Variants in RFC3 observed in about 807,000 individuals in gnomAD.
The protein encoded by RFC3 is replication factor C subunit 3, also known as A1 38 kDa subunit.
A neutral mutation model predicts 45.1 loss-of-function variants in RFC3; 41 were observed. The ratio of observed to expected loss-of-function variants is 0.91; its 90% confidence interval spans 0.71 to 1.18. RFC3 has a LOEUF of 1.18. Among genes scored for constraint, RFC3 ranks in the 50% most tolerant of loss-of-function variants. RFC3 has a pLI of 0.00. For missense variants in RFC3, 423 were observed against 428.1 expected (o/e 0.99, Z 0.10); for synonymous variants, 149 against 144.0 (o/e 1.03, Z -0.25).
intron 8 of RFC3, among the ~76,000 whole-genome samples, chr13:33,884,678 TGATCTTGAGCACA>T (rs1198875911): frequency 1.3e-5 from 2 of 152,186 alleles, no homozygotes; most frequent in East Asian, 3.9e-4. Flanking sequence ...TTAAATCTAT[TGATCTTGAGCACA>T]GAGTCCATCT....
At chr13:33,916,686 A>G (rs2082735448) in intron 8 of RFC3, among the ~76,000 whole-genome samples, 1 of 152,164 alleles carries the variant, frequency 6.6e-6, no homozygotes, top group Admixed American at 6.5e-5. Context: ...GCATGTGTGT[A>G]TATATAAGCA....
At chr13:33,820,047 T>C (rs1032210468) in intron 1 of RFC3, among the ~76,000 whole-genome samples, 1 of 152,198 alleles carries the variant, frequency 6.6e-6, no homozygotes, top group African/African-American at 2.4e-5. Context: ...TTAAGATACG[T>C]ATTCCATTTT....
intron 8 of RFC3, among the ~76,000 whole-genome samples, chr13:33,880,796 G>A (rs1051998079): frequency 6.6e-6 from 1 of 152,108 alleles, no homozygotes; most frequent in African/African-American, 2.4e-5. Context: ...GGCTGGGCAC[G>A]GTGGCGCACG....
At chr13:33,831,117 C>A (rs1449101024) in intron 6 of RFC3, 139 bp from the exon 7 acceptor site, 10 of 634,636 alleles carry the variant, frequency 1.6e-5, no homozygotes, top group African/African-American at 3.7e-5. Context: ...GGAACTCAGG[C>A]CATAATGCTG....
intron 8 of RFC3, among the ~76,000 whole-genome samples, chr13:33,879,865 G>T (rs907382227): frequency 6.6e-6 from 1 of 152,148 alleles, no homozygotes; most frequent in African/African-American, 2.4e-5. Flanking sequence ...CTGTTTTCTT[G>T]CCTTTCCCAG....
intron 8 of RFC3, among the ~76,000 whole-genome samples, chr13:33,898,950 C>T (rs2082619578): frequency 6.6e-6 from 1 of 151,422 alleles, no homozygotes; most frequent in African/African-American, 2.4e-5. Context: ...CAAGATTGAA[C>T]CATGAAGAAA....
At chr13:33,828,527 C>G (rs185823076) in intron 4 of RFC3, among the ~76,000 whole-genome samples, 31 of 152,320 alleles carry the variant, frequency 2.0e-4, no homozygotes, top group African/African-American at 6.7e-4. Flanking sequence ...GAATCTCCCC[C>G]CTCGGTAAGA....
At chr13:33,868,260 G>A (rs889156187) in intron 8 of RFC3, among the ~76,000 whole-genome samples, 1 of 152,172 alleles carries the variant, frequency 6.6e-6, no homozygotes, top group African/African-American at 2.4e-5. Flanking sequence ...CCTTTAAAAT[G>A]TGAGTCTTGG....
rs774371943 is a variant in RFC3, at chr13:33,835,155, G to A, written c.817G>A (p.Glu273Lys). 3.9e-5 allele frequency: 62 copies of A among 1,603,728 alleles called. No individual in the cohort carries two copies. Among genetic ancestry groups the A allele is most frequent in the Non-Finnish European group, 5.3e-5 (62 of 1,172,582 alleles). Reference protein sequence around the residue: ...VSQQTPQRLLEVRGRLYELLT... With the variant: ...VSQQTPQRLLKVRGRLYELLT... ...TTATTTTGTTTTATGTAGGCTCCTTGAAGTTCGTGGAAGGCTGTATGAGCT... is the reference window on the plus strand; with the variant it reads ...TTATTTTGTTTTATGTAGGCTCCTTAAAGTTCGTGGAAGGCTGTATGAGCT... The change falls in exon 8 of 9, where the codon GAA becomes AAA. Residue 273 changes from glutamate (E) to lysine (K), a missense_variant. Transcript: ENST00000380071.
chr13:33,834,223 T>G (rs1449214767), intron 7 of RFC3, among the ~76,000 whole-genome samples: 2 of 149,246 alleles, frequency 1.3e-5, no homozygotes, highest in Non-Finnish European at 3.0e-5. Flanking sequence ...CGTCTTAGGA[T>G]TGACTTCTGC....
In RFC3 at chr13:33,914,286, C is replaced by G. The variant is rs574805378; in HGVS notation, c.880-51801C>G. On this transcript the variant is annotated intron_variant, in intron 8 of 8. Coordinates refer to the RFC3 transcript ENST00000434425. ...GCTTTATTCTAGGCTACTTTTTCTT[C>G]CAAGGAAGATGAGCATTTGAAAAGT... 1.7e-4 allele frequency among the ~76,000 whole-genome samples: 26 copies of G among 152,196 alleles called. No homozygotes were observed. The East Asian group carries it at 5.0e-3, about 29-fold the overall frequency.
At chr13:33,873,844 C>T (rs1186255890) in intron 8 of RFC3, among the ~76,000 whole-genome samples, 2 of 152,314 alleles carry the variant, frequency 1.3e-5, no homozygotes, top group East Asian at 3.9e-4. Context: ...GGTCAAAGTC[C>T]TTTAAAAATG....
At chr13:33,839,732 G>C (rs79086544), downstream of RFC3, among the ~76,000 whole-genome samples, 1,406 of 152,238 alleles carry the variant, frequency 9.2e-3, 28 homozygotes, top group African/African-American at 0.032. Context: ...TTTCAGTCTG[G>C]CATCATTTAT....
chr13:33,838,752 T>C (rs1295393272), downstream of RFC3, among the ~76,000 whole-genome samples: 1 of 152,162 alleles, frequency 6.6e-6, no homozygotes, highest in African/African-American at 2.4e-5. Context: ...TTTTGGCTGC[T>C]TTTTCTCCTG....
intron 8 of RFC3, among the ~76,000 whole-genome samples, chr13:33,882,758 ACTT>A (rs1231847377): frequency 6.6e-6 from 1 of 152,122 alleles, no homozygotes; most frequent in Non-Finnish European, 1.5e-5. Context: ...ACTCCATAAA[ACTT>A]CTTTTATATT....
intron 8 of RFC3, among the ~76,000 whole-genome samples, chr13:33,889,133 G>T (rs2082547418): frequency 6.6e-6 from 1 of 152,212 alleles, no homozygotes. Context: ...GCAGCTGAAA[G>T]ACGAGACTGG....
chr13:33,820,440 C>T (rs2081991047), intron 1 of RFC3, among the ~76,000 whole-genome samples: 2 of 152,234 alleles, frequency 1.3e-5, no homozygotes. Flanking sequence ...ACGGCAGCTT[C>T]CCCACCCTTT....
chr13:33,899,202 G>GAAAAAAAAA (rs1850188339), intron 8 of RFC3, among the ~76,000 whole-genome samples: 1 of 6,664 alleles, frequency 1.5e-4, no homozygotes. Context: ...GACACAATAA[G>GAAAAAAAAA]ACAAAAAAAA....
At chr13:33,848,884 A>G (rs2082257587) in intron 8 of RFC3, 1 of 152,218 alleles carries the variant, frequency 6.6e-6, no homozygotes, top group Non-Finnish European at 1.5e-5. Flanking sequence ...TTAGACCACT[A>G]AGGGCAACTT....
Sources: allele counts gnomAD v4.1 joint callset (sites outside exome capture counted in the v4.1 genomes callset), GRCh38; gene constraint gnomAD v4.1.1; transcripts MANE v1.5; gene names NCBI Gene and HGNC (gene_info 2026-07-23, HGNC 2026-07-21).